Variants in OXR1 observed in about 807,000 individuals in gnomAD.
OXR1 encodes oxidation resistance 1, also known as oxidation resistance protein 1.
A neutral mutation model predicts 104.6 loss-of-function variants in OXR1; 41 were observed. That is an observed-to-expected ratio of 0.39 (90% CI 0.31 to 0.51). OXR1 has a LOEUF of 0.51. OXR1 is among the 20% of genes least tolerant of loss of function. The pLI is 0.77. For synonymous variants in OXR1, 348 were observed against 348.4 expected (o/e 1.00, Z 0.01); for missense variants, 955 against 1,031.9 (o/e 0.93, Z 1.02).
At chr8:106,403,819 T>C (rs2130483168) in intron 2 of OXR1, among the ~76,000 whole-genome samples, 1 of 152,316 alleles carries the variant, frequency 6.6e-6, no homozygotes, top group East Asian at 1.9e-4. Flanking sequence ...ACATGTTCCC[T>C]GGATTTTTGT....
intron 7 of OXR1, among the ~76,000 whole-genome samples, chr8:106,702,116 C>T (rs1272227105): frequency 6.6e-6 from 1 of 152,102 alleles, no homozygotes; most frequent in Admixed American, 6.5e-5. Flanking sequence ...ATTACAGGCA[C>T]ATGCCACCAG....
chr8:106,734,087 C>T (rs541771783), intron 11 of OXR1, among the ~76,000 whole-genome samples: 1 of 150,972 alleles, frequency 6.6e-6, no homozygotes, highest in Non-Finnish European at 1.5e-5. Flanking sequence ...ACCTGCTGGG[C>T]TCAGGTGATC....
chr8:106,741,762 A>G (rs1834936746), intron 14 of OXR1, among the ~76,000 whole-genome samples: 1 of 152,124 alleles, frequency 6.6e-6, no homozygotes, highest in Non-Finnish European at 1.5e-5. Flanking sequence ...AACAATTCAC[A>G]CATAACACCT....
At chr8:106,347,814 T>C (rs1446716169) in intron 1 of OXR1, among the ~76,000 whole-genome samples, 4 of 152,206 alleles carry the variant, frequency 2.6e-5, no homozygotes, top group Non-Finnish European at 5.9e-5. Context: ...GGCTAGAAAC[T>C]TCAAATTCAG....
chr8:106,333,099 C>T (rs1262326768), intron 1 of OXR1, among the ~76,000 whole-genome samples: 3 of 152,060 alleles, frequency 2.0e-5, no homozygotes, highest in African/African-American at 7.2e-5. Flanking sequence ...ACACTTCTAT[C>T]AACATTCATG....
At position 106,697,882 on chromosome 8, in the gene OXR1, C is replaced by G. The variant is rs142481598; in HGVS notation, c.675+5005C>G. 1.1e-3 allele frequency: 1,711 copies of G among 1,612,314 alleles called. 14 individuals carry two copies. The African/African-American group carries it at 0.019, about 18-fold the overall frequency. Reference sequence around the variant, plus strand: ...GAAGTTCTCGCGTCCAGGCTGGGACCGGCCCACATCCTTTCGGCACTGGGT... The same window carrying G: ...GAAGTTCTCGCGTCCAGGCTGGGACGGGCCCACATCCTTTCGGCACTGGGT... On this transcript the variant is annotated intron_variant, in intron 7 of 16. Coordinates refer to ENST00000517566, the MANE Select transcript of OXR1 (RefSeq NM_001198533.2).
chr8:106,272,657 C>T (rs1425111400), intron 1 of OXR1: 1 of 152,200 alleles, frequency 6.6e-6, no homozygotes, highest in Non-Finnish European at 1.5e-5. Context: ...CTTCTTATTC[C>T]ATGTGACAGT....
chr8:106,320,913 C>A (rs1199043310), intron 1 of OXR1, among the ~76,000 whole-genome samples: 2 of 152,154 alleles, frequency 1.3e-5, no homozygotes, highest in Non-Finnish European at 2.9e-5. Context: ...CTCAAGTGAT[C>A]CACCTGCCTC....
chr8:106,427,388 C>T (rs1819175386), intron 2 of OXR1, among the ~76,000 whole-genome samples: 1 of 151,956 alleles, frequency 6.6e-6, no homozygotes, highest in Admixed American at 6.6e-5. Context: ...AGGATGGTCT[C>T]GATCTCCTGA....
chr8:106,271,278 C>T (rs1811794247), intron 1 of OXR1, among the ~76,000 whole-genome samples: 2 of 134,136 alleles, frequency 1.5e-5, no homozygotes, highest in Non-Finnish European at 3.0e-5. Flanking sequence ...CACCTCGGCT[C>T]GCTGTAGGCG....
At chr8:106,636,356 A>G (rs945915764) in intron 3 of OXR1, among the ~76,000 whole-genome samples, 4 of 152,032 alleles carry the variant, frequency 2.6e-5, no homozygotes, top group Non-Finnish European at 5.9e-5. Flanking sequence ...GCAAACAGGA[A>G]TTCCACAAGC....
chr8:106,498,452 A>G (rs1201329622), intron 2 of OXR1, among the ~76,000 whole-genome samples: 1 of 152,254 alleles, frequency 6.6e-6, no homozygotes, highest in East Asian at 1.9e-4. Context: ...AAGAAATTTC[A>G]TGAGACAATT....
chr8:106,451,028 A>G (rs1182389654), intron 2 of OXR1, among the ~76,000 whole-genome samples: 4 of 152,152 alleles, frequency 2.6e-5, no homozygotes, highest in African/African-American at 9.7e-5. Context: ...TTGCACTCCT[A>G]TAGAACCTAT....
chr8:106,625,121 A>G (rs1822044422), intron 3 of OXR1, among the ~76,000 whole-genome samples: 1 of 152,184 alleles, frequency 6.6e-6, no homozygotes. Flanking sequence ...TTTTGTGGAT[A>G]AGGAAATTAT....
chr8:106,604,322 T>A (rs536865984), intron 3 of OXR1, among the ~76,000 whole-genome samples: 1 of 152,064 alleles, frequency 6.6e-6, no homozygotes, highest in African/African-American at 2.4e-5. Flanking sequence ...AAGTCAGGGG[T>A]CTTGGCTTTC....
intron 7 of OXR1, among the ~76,000 whole-genome samples, chr8:106,699,030 T>C (rs185936160): frequency 1.3e-3 from 201 of 152,352 alleles, no homozygotes; most frequent in Non-Finnish European, 1.0e-3. Context: ...TTGTGGCTTT[T>C]ATTTCTTTGA....
chr8:106,479,117 A>G (rs1219590398), intron 2 of OXR1, among the ~76,000 whole-genome samples: 3 of 152,018 alleles, frequency 2.0e-5, no homozygotes, highest in East Asian at 3.9e-4. Context: ...TTACAATTCC[A>G]TCCTAACTAA....
chr8:106,440,667 G>A (rs1819747651), intron 2 of OXR1, among the ~76,000 whole-genome samples: 1 of 151,970 alleles, frequency 6.6e-6, no homozygotes, highest in African/African-American at 2.4e-5. Flanking sequence ...GGAAGGCATA[G>A]GATTTGGTTT....
chr8:106,706,963 G>T lies in OXR1; in HGVS notation c.1442G>T (p.Ser481Ile), dbSNP rs1157934194. 6.2e-7 allele frequency: 1 copy of T among 1,613,738 alleles called. No individual in the cohort carries two copies. The highest frequency in any genetic ancestry group is 2.2e-5 in the East Asian group (1 of 44,848). Residue 481 changes from serine to isoleucine, a missense_variant, in exon 9 of 17, where the codon AGT (serine) becomes ATT (isoleucine). Physicochemically the swap from Ser to Ile is moderately radical, Grantham distance 142 (BLOSUM62 -2). Coordinates refer to ENST00000517566, the MANE Select transcript of OXR1 (RefSeq NM_001198533.2). ...GETAEFKQKQSVNKGKQGKEQ... is the reference protein window; with the variant it reads ...GETAEFKQKQIVNKGKQGKEQ... ...ACAGCAGAATTTAAACAAAAGCAAAGTGTTAACAAAGGAAAACAAGGAAAG... is the reference window on the plus strand; with the variant it reads ...ACAGCAGAATTTAAACAAAAGCAAATTGTTAACAAAGGAAAACAAGGAAAG...
Sources: allele counts gnomAD v4.1 joint callset (sites outside exome capture counted in the v4.1 genomes callset), GRCh38; gene constraint gnomAD v4.1.1; transcripts MANE v1.5; gene names NCBI Gene and HGNC (gene_info 2026-07-23, HGNC 2026-07-21).